Variants in KIFAP3 observed in about 807,000 individuals in gnomAD.
The protein encoded by KIFAP3 is kinesin-associated protein 3.
Under a neutral mutation model 106.5 loss-of-function variants are expected in KIFAP3, and 68 were observed. The observed-to-expected ratio is 0.64, with a 90% CI of 0.53 to 0.78. The LOEUF (loss-of-function observed/expected upper bound fraction) is 0.78. Ranked by LOEUF, KIFAP3 falls within the 30% of genes least tolerant of loss-of-function variation. KIFAP3 has a pLI of 0.00. For synonymous variants in KIFAP3, 320 were observed against 311.5 expected (o/e 1.03, Z -0.29); for missense variants, 780 against 941.8 (o/e 0.83, Z 2.25).
intron 19 of KIFAP3, among the ~76,000 whole-genome samples, chr1:169,944,199 C>T (rs931274574): frequency 6.6e-6 from 1 of 152,054 alleles, no homozygotes; most frequent in African/African-American, 2.4e-5. Context: ...GTGTGGGTGA[C>T]CAAGCGCAGG....
intron 7 of KIFAP3, among the ~76,000 whole-genome samples, chr1:170,033,326 T>C (rs1428029132): frequency 6.6e-6 from 1 of 151,788 alleles, no homozygotes; most frequent in African/African-American, 2.4e-5. Context: ...TAGATTAAAT[T>C]GAAGCCTCAG....
intron 1 of KIFAP3, among the ~76,000 whole-genome samples, chr1:170,062,877 A>G (rs1671256061): frequency 6.6e-6 from 1 of 151,080 alleles, no homozygotes; most frequent in Non-Finnish European, 1.5e-5. Context: ...ATTTATTTAT[A>G]GTCTTTTTTT....
intron 10 of KIFAP3, among the ~76,000 whole-genome samples, chr1:169,999,632 T>A (rs1327932605): frequency 1.3e-5 from 2 of 152,234 alleles, no homozygotes; most frequent in African/African-American, 4.8e-5. Context: ...TGAATCATGA[T>A]GAACTCACTG....
chr1:169,952,963 T>C (rs569733940), intron 19 of KIFAP3, among the ~76,000 whole-genome samples: 39 of 151,964 alleles, frequency 2.6e-4, no homozygotes, highest in Non-Finnish European at 4.6e-4. Flanking sequence ...ACATAGAAAA[T>C]AGCTTATCCT....
chr1:170,003,975 C>T (rs1478925622), intron 10 of KIFAP3, among the ~76,000 whole-genome samples: 2 of 129,506 alleles, frequency 1.5e-5, no homozygotes, highest in Middle Eastern at 3.5e-3. Context: ...TGTCTCAGCC[C>T]AAAATCTCCT....
intron 10 of KIFAP3, among the ~76,000 whole-genome samples, chr1:170,005,364 C>T (rs879123130): frequency 6.6e-6 from 1 of 152,078 alleles, no homozygotes; most frequent in Non-Finnish European, 1.5e-5. Flanking sequence ...AGGGTATATA[C>T]CCAAAGGATT....
intron 19 of KIFAP3, among the ~76,000 whole-genome samples, chr1:169,944,091 C>T (rs561394909): frequency 3.2e-4 from 49 of 152,174 alleles, no homozygotes; most frequent in Non-Finnish European, 6.9e-4. Context: ...CCGCTGGGCT[C>T]GTTCTGCCCA....
intron 16 of KIFAP3, among the ~76,000 whole-genome samples, chr1:169,973,105 G>GTGTATATATA (rs145406203): frequency 0.03 from 2,687 of 90,256 alleles, 303 homozygotes; most frequent in African/African-American, 0.078. Flanking sequence ...AAAATAGTGT[G>GTGTATATATA]TATATATATA....
At chr1:169,984,992 C>A (rs905431952) in intron 11 of KIFAP3, among the ~76,000 whole-genome samples, 1 of 151,664 alleles carries the variant, frequency 6.6e-6, no homozygotes, top group Non-Finnish European at 1.5e-5. Context: ...GGAAGCAGAG[C>A]ATTCCAAGCA....
chr1:169,922,191 T>G (rs565294409), intron 19 of KIFAP3, among the ~76,000 whole-genome samples: 2 of 152,342 alleles, frequency 1.3e-5, no homozygotes, highest in Non-Finnish European at 2.9e-5. Flanking sequence ...TTATAATGTC[T>G]TTTCATATGA....
At chr1:170,055,613 T>C (rs1248924068) in intron 1 of KIFAP3, among the ~76,000 whole-genome samples, 177 bp from the exon 2 acceptor site, 13 of 152,160 alleles carry the variant, frequency 8.5e-5, no homozygotes, top group South Asian at 2.1e-4. Context: ...TATATATGTA[T>C]ATATGTGTGT....
intron 10 of KIFAP3, among the ~76,000 whole-genome samples, chr1:170,012,621 T>C (rs899766094): frequency 6.6e-6 from 1 of 152,154 alleles, no homozygotes; most frequent in South Asian, 2.1e-4. Context: ...TAATCTTGAA[T>C]GTGATAATAT....
intron 16 of KIFAP3, among the ~76,000 whole-genome samples, chr1:169,976,509 T>G (rs2101898678): frequency 6.6e-6 from 1 of 152,318 alleles, no homozygotes; most frequent in Non-Finnish European, 1.5e-5. Flanking sequence ...TTCCAATTAT[T>G]TTAACACTGT....
In KIFAP3 at chr1:170,082,661, G is replaced by A. The variant is rs150145457; in HGVS notation, n.174+2374C>T. ...AAGGAAAAAAGTAGTAAGCCAAATGGGTGGATTAAATAGCATATTAAACAC... is the reference window on the plus strand; with the variant it reads ...AAGGAAAAAAGTAGTAAGCCAAATGAGTGGATTAAATAGCATATTAAACAC... On this transcript the variant is annotated intron_variant and non_coding_transcript_variant, in intron 1 of 5. Transcript: ENST00000490550. 9.6e-3 allele frequency among the ~76,000 whole-genome samples: 1,458 copies of A among 152,134 alleles called. 25 individuals are homozygous for A. Among genetic ancestry groups the A allele is most frequent in the African/African-American group, 0.031 (1,276 of 41,500 alleles).
At chr1:170,054,391 G>C (rs2102118335) in intron 2 of KIFAP3, among the ~76,000 whole-genome samples, 1 of 152,290 alleles carries the variant, frequency 6.6e-6, no homozygotes, top group Non-Finnish European at 1.5e-5. Context: ...TATTGTGGAA[G>C]ACGGTGTGGC....
chr1:169,990,453 A>C (rs543863826), intron 11 of KIFAP3, among the ~76,000 whole-genome samples: 12 of 152,046 alleles, frequency 7.9e-5, no homozygotes, highest in Admixed American at 2.0e-4. Context: ...AATTTTGCTC[A>C]TATTTCAAAA....
In KIFAP3 at chr1:169,978,191, TAAAC is replaced by T. The variant is rs771435998; in HGVS notation, c.1799-12_1799-9del. ...CATCATCTTCTTGTTGAGCTGTAAA[TAAAC>T]AAAAAATTCAAATAAAGAATACTAT... On this transcript the variant is annotated splice_polypyrimidine_tract_variant and intron_variant, in intron 15 of 19. Transcript: ENST00000361580. The T allele has an allele frequency of 7.0e-6, 11 of 1,575,110 alleles. No individual in the cohort carries two copies. In the Admixed American group the frequency reaches 8.4e-5, roughly 12 times the overall value.
chr1:170,021,945 T>TC (rs1275064972), intron 9 of KIFAP3, among the ~76,000 whole-genome samples: 7 of 123,640 alleles, frequency 5.7e-5, no homozygotes, highest in African/African-American at 2.2e-4. Flanking sequence ...TTCTTTCTTT[T>TC]TTTTTTTTTT....
chr1:170,000,785 C>A (rs914329094), intron 10 of KIFAP3, among the ~76,000 whole-genome samples: 1 of 151,792 alleles, frequency 6.6e-6, no homozygotes, highest in Non-Finnish European at 1.5e-5. Context: ...TGTCTATAGT[C>A]GAGATTTGAG....
Sources: gnomAD v4.1 joint callset for allele counts (sites outside exome capture counted in the v4.1 genomes callset) on GRCh38, gnomAD v4.1.1 for gene constraint, MANE v1.5 for transcripts, NCBI Gene and HGNC (gene_info 2026-07-23, HGNC 2026-07-21) for gene names.